SNX19: variants seen among roughly 807,000 people sequenced by gnomAD.
The protein encoded by SNX19 is sorting nexin 19, also known as sorting nexin-19.
In SNX19, 60 loss-of-function variants were observed where a neutral mutation model predicts 85.2. The ratio of observed to expected loss-of-function variants is 0.70; its 90% CI spans 0.57 to 0.87. The LOEUF is 0.87. SNX19 is among the 40% of genes least tolerant of loss of function. The pLI is 0.00. For synonymous variants in SNX19, 520 were observed against 470.0 expected (o/e 1.11, Z -1.38); for missense variants, 1,201 against 1,217.8 (o/e 0.99, Z 0.21).
chr11:130,870,873 T>A lies in SNX19; in HGVS notation c.*7549A>T, dbSNP rs549257715. 1.2e-3 allele frequency among the ~76,000 whole-genome samples: 176 copies of A among 152,242 alleles called. 1 individual carries two copies. The highest frequency in any genetic ancestry group is 3.7e-3 in the African/African-American group (153 of 41,530). On this transcript the variant is annotated 3_prime_UTR_variant, in exon 11 of 11. Transcript: ENST00000265909. ...ATAGGACTAAAAAAGATAAAAGATATGTTCGTTGCCCTTGAAGAATTATAG... is the reference window on the plus strand; with the variant it reads ...ATAGGACTAAAAAAGATAAAAGATAAGTTCGTTGCCCTTGAAGAATTATAG...
intron 9 of SNX19, among the ~76,000 whole-genome samples, chr11:130,880,075 G>A (rs1805765528): frequency 6.6e-6 from 1 of 152,188 alleles, no homozygotes; most frequent in Non-Finnish European, 1.5e-5. Context: ...ACAGCCATAG[G>A]CAACAAACTG....
rs1055753516 is a variant in SNX19 at position 130,871,574 on chromosome 11, G to A, written c.*6848C>T. On this transcript the variant is annotated 3_prime_UTR_variant, in exon 11 of 11. Coordinates refer to ENST00000265909, the MANE Select transcript of SNX19 (RefSeq NM_014758.3). The stretch of plus-strand genomic sequence containing the variant: ...GGAGCAGGATGATTCTTCACCCAGG[G>A]GCACGGGCAAAAGGGCTGATTACCT... 6.6e-6 allele frequency among the ~76,000 whole-genome samples: 1 copy of A among 152,042 alleles called. No homozygotes were observed. Among genetic ancestry groups the A allele is most frequent in the Non-Finnish European group, 1.5e-5 (1 of 68,006 alleles).
chr11:130,911,900 G>T, intron 1 of SNX19, 129 bp from the exon 2 acceptor site: 2 of 873,644 alleles, frequency 2.3e-6, no homozygotes, highest in Non-Finnish European at 3.5e-6. Context: ...GAGGGAGTAT[G>T]TTCCTATTCT....
Position 130,872,584 on chromosome 11 carries a change from C to T in SNX19, c.*5838G>A, listed in dbSNP as rs1379282747. On this transcript the variant is annotated 3_prime_UTR_variant, in exon 11 of 11. Transcript: ENST00000265909. ...TCACCGCCTCTCTCATCCTTTATAC[C>T]ATAAAAGAGTGATGGCAATATGCTA... Among the ~76,000 whole-genome samples the T allele has an allele frequency of 6.6e-6, 1 of 151,920 alleles. No individual in the cohort carries two copies. The highest frequency in any genetic ancestry group is 2.4e-5 in the African/African-American group (1 of 41,348).
chr11:130,892,639 A>G (rs1944574282), intron 8 of SNX19: 1 of 152,160 alleles, frequency 6.6e-6, no homozygotes, highest in Non-Finnish European at 1.5e-5. Context: ...AAACCAGTAA[A>G]GCATTTGGTA....
At chr11:130,905,811 C>T (rs1945619955) in intron 7 of SNX19, 142 bp downstream of exon 7, 2 of 1,545,684 alleles carry the variant, frequency 1.3e-6, no homozygotes, top group South Asian at 2.4e-5. Context: ...CCCAACACAG[C>T]ACCTCCAACA....
At chr11:130,887,330 T>C (rs1231284421) in intron 8 of SNX19, among the ~76,000 whole-genome samples, 1 of 152,224 alleles carries the variant, frequency 6.6e-6, no homozygotes, top group Non-Finnish European at 1.5e-5. Flanking sequence ...CAACTCTACA[T>C]ATGAAAGCAT....
chr11:130,883,515 G>A (rs370538776), intron 8 of SNX19, among the ~76,000 whole-genome samples: 3 of 152,228 alleles, frequency 2.0e-5, no homozygotes, highest in Admixed American at 6.5e-5. Flanking sequence ...TTTGGAAAGT[G>A]ACTTCTAGTC....
At chr11:130,910,876 C>T (rs73028880) in intron 2 of SNX19, among the ~76,000 whole-genome samples, 24,141 of 152,098 alleles carry the variant, frequency 0.16, 2,186 homozygotes, top group Middle Eastern at 0.25. Context: ...AGTTACTAAT[C>T]CTTAAGAGTG....
chr11:130,906,773 T>C, intron 5 of SNX19, 52 bp from the exon 6 acceptor site: 1 of 1,253,416 alleles, frequency 8.0e-7, no homozygotes, highest in Non-Finnish European at 1.2e-6. Flanking sequence ...GCCTTGAGCC[T>C]CACACTAAGG....
chr11:130,911,764 G>A lies in SNX19; in HGVS notation c.1682C>T (p.Thr561Ile), dbSNP rs1946148562. The A allele has an allele frequency of 6.2e-7, 1 of 1,614,062 alleles. No homozygotes were observed. The highest frequency in any genetic ancestry group is 8.5e-7 in the Non-Finnish European group (1 of 1,179,990). ...GCTGCTGTTTTCACCGTCAAGGGCT[G>A]TCTCGTACTGTTCAACGAACAAATT... Reference protein sequence around the residue: ...PYTLYTVKYETALDGENSSGL... With the variant: ...PYTLYTVKYEIALDGENSSGL... The change falls in exon 2 of 11, where the codon ACA becomes ATA. Residue 561 changes from threonine (T) to isoleucine (I), a missense_variant. Thr to Ile is a moderately conservative substitution (Grantham distance 89, BLOSUM62 -1). Coordinates refer to ENST00000265909, the MANE Select transcript of SNX19 (RefSeq NM_014758.3).
chr11:130,877,096 C>T lies in SNX19; in HGVS notation c.*1326G>A, dbSNP rs966348815. 1 of 152,266 alleles carries T rather than the reference C, an allele frequency of 6.6e-6. No individual in the cohort carries two copies. Among genetic ancestry groups the T allele is most frequent in the Admixed American group, 6.5e-5 (1 of 15,292 alleles). 9.4% of individuals were successfully genotyped at this position (152,266 alleles called of 1,614,324 possible). On this transcript the variant is annotated 3_prime_UTR_variant, in exon 11 of 11. Coordinates refer to ENST00000265909, the MANE Select transcript of SNX19 (RefSeq NM_014758.3). ...CTCATCAGTCTAACTCCAAGACCTT[C>T]CTCCGAGTGGTAGGCTCTGGTAATT... is the stretch of plus-strand genomic sequence containing the variant.
At chr11:130,881,395 G>A (rs1943657617) in intron 8 of SNX19, among the ~76,000 whole-genome samples, 1 of 152,180 alleles carries the variant, frequency 6.6e-6, no homozygotes, top group Non-Finnish European at 1.5e-5. Flanking sequence ...TTACAGAACA[G>A]AACACTAAAA....
At position 130,874,951 on chromosome 11, in the gene SNX19, T is replaced by A. The variant is rs2135257935; in HGVS notation, c.*3471A>T. On this transcript the variant is annotated 3_prime_UTR_variant, in exon 11 of 11. Transcript: ENST00000265909. ...ATGGTCTAGTCACTATGGAAAACAG[T>A]ATGAAGGTCTTCAAAGAATTAAAAA... is the stretch of plus-strand genomic sequence containing the variant. Among the ~76,000 whole-genome samples the A allele has an allele frequency of 6.6e-6, 1 of 152,330 alleles. No individual in the cohort carries two copies. Among genetic ancestry groups the A allele is most frequent in the East Asian group, 1.9e-4 (1 of 5,184 alleles).
chr11:130,869,854 G>T lies in SNX19; in HGVS notation c.*8568C>A, dbSNP rs1422059723. 2.6e-5 allele frequency: 4 copies of T among 151,556 alleles called. No individual in the cohort carries two copies. The highest frequency in any genetic ancestry group is 7.3e-5 in the African/African-American group (3 of 41,124). 9.4% of individuals were successfully genotyped at this position (151,556 alleles called of 1,614,324 possible). ...CCATATTGATTTAACTATCAAAAAG[G>T]CAATTAGATTAGTGGGGTAGCCAAG... On this transcript the variant is annotated 3_prime_UTR_variant, in exon 11 of 11. Transcript: ENST00000265909.
intron 5 of SNX19, among the ~76,000 whole-genome samples, chr11:130,907,737 T>A (rs1945779363): frequency 1.3e-5 from 2 of 152,186 alleles, no homozygotes; most frequent in Non-Finnish European, 1.5e-5. Flanking sequence ...CAGGTTCCCA[T>A]GGCAAAACCA....
chr11:130,889,152 CTTCT>C (rs1287335785), intron 8 of SNX19, among the ~76,000 whole-genome samples: 2 of 152,242 alleles, frequency 1.3e-5, no homozygotes, highest in African/African-American at 4.8e-5. Context: ...ACCTCAGCTC[CTTCT>C]GAGTTGAAGC....
Position 130,875,542 on chromosome 11 carries a change from A to C in SNX19, c.*2880T>G, listed in dbSNP as rs562724222. ...TATGTGTTTCTTTACAACAATAAGAAAATCACCTTGTAAACTGGAAATTTC... is the reference window on the plus strand; with the variant it reads ...TATGTGTTTCTTTACAACAATAAGACAATCACCTTGTAAACTGGAAATTTC... On this transcript the variant is annotated 3_prime_UTR_variant, in exon 11 of 11. Coordinates refer to ENST00000265909, the MANE Select transcript of SNX19 (RefSeq NM_014758.3). The C allele has an allele frequency of 1.3e-5, 2 of 152,360 alleles. No homozygotes were observed. The highest frequency in any genetic ancestry group is 3.9e-4 in the East Asian group (2 of 5,192). 9.4% of individuals were successfully genotyped at this position (152,360 alleles called of 1,614,324 possible). A position where few individuals can be genotyped will look rare whatever the true frequency, so the allele number is the denominator to read the frequency against.
rs117260465 is a variant in SNX19, at chr11:130,914,991, T to A, written c.949A>T (p.Ser317Cys). 1.2e-6 allele frequency: 2 copies of A among 1,614,068 alleles called. No individual in the cohort carries two copies. The highest frequency in any genetic ancestry group is 2.7e-5 in the African/African-American group (2 of 74,938). The change falls in exon 1 of 11, where the codon AGT becomes TGT. Residue 317 changes from serine to cysteine, a missense_variant. Ser to Cys is a moderately radical substitution (Grantham distance 112, BLOSUM62 -1). Coordinates refer to ENST00000265909, the MANE Select transcript of SNX19 (RefSeq NM_014758.3). The stretch of plus-strand genomic sequence containing the variant: ...GGGCCTGCAGAACCCTCTGGCTCAC[T>A]GTAACTTAGGAATACTGGGGCTGCT... Reference protein sequence around the residue: ...PVAAPVFLSYSEPEGSAGPSP... With the variant: ...PVAAPVFLSYCEPEGSAGPSP...
Sources: allele counts gnomAD v4.1 joint callset (sites outside exome capture counted in the v4.1 genomes callset), GRCh38; gene constraint gnomAD v4.1.1; transcripts MANE v1.5; gene names NCBI Gene and HGNC (gene_info 2026-07-23, HGNC 2026-07-21).